ABL1: variants seen among roughly 807,000 people sequenced by gnomAD.
ABL1 encodes the protein tyrosine-protein kinase ABL1.
A neutral mutation model predicts 94.7 loss-of-function variants in ABL1; 11 were observed. That is an observed-to-expected ratio of 0.12 (90% CI 0.07 to 0.19). The LOEUF is 0.19. Ranked by LOEUF, ABL1 falls within the 10% of genes least tolerant of loss-of-function variation. The probability of loss-of-function intolerance (pLI) is 1.00; values close to 1 mark genes in which losing one functional copy is unlikely to be tolerated. For synonymous variants in ABL1, 656 were observed against 622.4 expected (o/e 1.05, Z -0.80); for missense variants, 1,082 against 1,489.4 (o/e 0.73, Z 4.50).
chr9:130,821,826 CTAT>C (rs1201935358), intron 1 of ABL1, among the ~76,000 whole-genome samples: 6 of 134,012 alleles, frequency 4.5e-5, no homozygotes, highest in African/African-American at 1.4e-4. Context: ...CCACACCTGG[CTAT>C]TATTATTATT....
intron 1 of ABL1, among the ~76,000 whole-genome samples, chr9:130,755,436 G>T (rs991171157): frequency 2.6e-5 from 4 of 152,142 alleles, no homozygotes; most frequent in Non-Finnish European, 5.9e-5. Context: ...TGCTTCAGTA[G>T]TAGCATTGAC....
intron 1 of ABL1, among the ~76,000 whole-genome samples, chr9:130,782,679 G>C (rs1829770465): frequency 6.6e-6 from 1 of 152,180 alleles, no homozygotes; most frequent in Admixed American, 6.5e-5. Context: ...GTCTTAGCAT[G>C]CCTGCGCAGA....
rs2132957938 is a variant in ABL1, at chr9:130,854,880, C to A, written c.333C>A (p.Val111=). Residue 111 remains valine (V), a synonymous_variant, in exon 3 of 11, where the codon GTC becomes GTA. Transcript: ENST00000318560. ...EAQTKNGQGW[V]PSNYITPVNS... The stretch of plus-strand genomic sequence containing the variant: ...AAACCAAAAATGGCCAAGGCTGGGT[C>A]CCAAGCAACTACATCACGCCAGTCA... 1 of 1,614,148 alleles carries A rather than the reference C, an allele frequency of 6.2e-7. No individual in the cohort carries two copies. Among genetic ancestry groups the A allele is most frequent in the South Asian group, 1.1e-5 (1 of 91,068 alleles).
At chr9:130,735,985 T>G in intron 1 of ABL1, among the ~76,000 whole-genome samples, 1 of 139,276 alleles carries the variant, frequency 7.2e-6, no homozygotes, top group Non-Finnish European at 1.5e-5. Context: ...AGACAGGGTC[T>G]GGCTCTGTTA....
intron 1 of ABL1, among the ~76,000 whole-genome samples, chr9:130,750,406 TCCCTCCCTCCCTCC>T (rs1831945699): frequency 8.6e-5 from 1 of 11,562 alleles, no homozygotes; most frequent in African/African-American, 3.3e-4. Flanking sequence ...CCTTCCTCCC[TCCCTCCCTCCCTCC>T]CTCCCTCCCT....
Position 130,855,114 on chromosome 9 carries a change from G to T in ABL1, c.549+18G>T, listed in dbSNP as rs1830951751. The T allele has an allele frequency of 2.5e-6, 4 of 1,606,018 alleles. No individual in the cohort carries two copies. The highest frequency in any genetic ancestry group is 2.7e-5 in the African/African-American group (2 of 74,786). On this transcript the variant is annotated intron_variant, in intron 3 of 10. Transcript: ENST00000318560. The stretch of plus-strand genomic sequence containing the variant: ...ATGGCAAGGTAGGGGACCCTTGGCA[G>T]GGGGCGCTGATGGGCCCAGGGCAGG...
intron 1 of ABL1, among the ~76,000 whole-genome samples, chr9:130,796,777 C>CA (rs753488139): frequency 2.0e-5 from 3 of 146,518 alleles, no homozygotes; most frequent in East Asian, 3.9e-4. Context: ...AAAAAAAAAA[C>CA]AAAAAAACTT....
In ABL1 at chr9:130,817,747, A is replaced by G. The variant is rs145350644; in HGVS notation, c.137-36317A>G. ...GGGAACAAGCATTTCTAACAGATCCATATGTGTCGCTGCATGTAATCAGTG... is the reference window on the plus strand; with the variant it reads ...GGGAACAAGCATTTCTAACAGATCCGTATGTGTCGCTGCATGTAATCAGTG... On this transcript the variant is annotated intron_variant, in intron 1 of 10. Coordinates refer to the ABL1 transcript ENST00000372348. 8.1e-4 allele frequency among the ~76,000 whole-genome samples: 123 copies of G among 152,310 alleles called. 1 individual carries two copies. The East Asian group carries it at 0.022, about 28-fold the overall frequency.
chr9:130,727,271 T>A (rs1291034325), intron 1 of ABL1, among the ~76,000 whole-genome samples: 2 of 151,626 alleles, frequency 1.3e-5, no homozygotes, highest in African/African-American at 4.8e-5. Flanking sequence ...TTCACCATGT[T>A]ACCCAGGCTG....
At chr9:130,775,234 A>G (rs1382098242) in intron 1 of ABL1, among the ~76,000 whole-genome samples, 1 of 152,210 alleles carries the variant, frequency 6.6e-6, no homozygotes, top group Non-Finnish European at 1.5e-5. Flanking sequence ...TGATCTCACA[A>G]TCCAAAACTA....
chr9:130,853,533 G>A (rs920990732), intron 1 of ABL1, among the ~76,000 whole-genome samples: 20 of 151,978 alleles, frequency 1.3e-4, no homozygotes, highest in African/African-American at 4.8e-4. Context: ...TCCTGCCTCA[G>A]CCTCCTGAGT....
In ABL1 at chr9:130,885,111, G is replaced by A. The variant is rs770388931; in HGVS notation, c.2821G>A (p.Val941Met). Reference protein sequence around the residue: ...KTKATSLVDAVNSDAAKPSQP... With the variant: ...KTKATSLVDAMNSDAAKPSQP... ...AAAAGCCACGAGTCTGGTTGATGCT[G>A]TGAACAGTGACGCTGCCAAGCCCAG... The change falls in exon 11 of 11, where the codon GTG becomes ATG. Residue 941 changes from valine to methionine, a missense_variant. Coordinates refer to ENST00000318560, the MANE Select transcript of ABL1 (RefSeq NM_005157.6). 25 of 1,612,072 alleles carry A rather than the reference G, an allele frequency of 1.6e-5. No homozygotes were observed. The highest frequency in any genetic ancestry group is 1.5e-4 in the African/African-American group (11 of 74,910).
Position 130,842,019 on chromosome 9 carries a change from G to T in ABL1, c.79+6494G>T, listed in dbSNP as rs1285679822. Among the ~76,000 whole-genome samples, 7 of 147,006 alleles carry T rather than the reference G, an allele frequency of 4.8e-5. No individual in the cohort carries two copies. In the South Asian group the frequency reaches 1.4e-3, roughly 29 times the overall value. On this transcript the variant is annotated intron_variant, in intron 1 of 10. Coordinates refer to ENST00000318560, the MANE Select transcript of ABL1 (RefSeq NM_005157.6). ...GAGACTGAGAGACAAATACAAAAAG[G>T]TTGAGACAGGAAAGGGAAAAAAAAA...
intron 1 of ABL1, among the ~76,000 whole-genome samples, chr9:130,728,041 A>G (rs1831610375): frequency 6.6e-6 from 1 of 151,796 alleles, no homozygotes; most frequent in South Asian, 2.1e-4. Context: ...ATAACTATAA[A>G]TACTCTCAGT....
At chr9:130,875,091 T>C (rs1275217052) in intron 7 of ABL1, 39 bp downstream of exon 7, 2 of 1,571,928 alleles carry the variant, frequency 1.3e-6, no homozygotes, top group African/African-American at 1.4e-5. Flanking sequence ...CCTTCCTGAC[T>C]ACAGGAGGGT....
chr9:130,733,117 G>C (rs1251461444), intron 1 of ABL1, among the ~76,000 whole-genome samples: 4 of 152,150 alleles, frequency 2.6e-5, no homozygotes, highest in Non-Finnish European at 5.9e-5. Context: ...GTTGGATCTT[G>C]GGTTGGTTTA....
upstream of ABL1, chr9:130,834,015 G>T: frequency 2.2e-6 from 1 of 456,072 alleles, no homozygotes; most frequent in Non-Finnish European, 4.4e-6. Flanking sequence ...CTGGTCGGGA[G>T]CCTGATCCTT....
intron 1 of ABL1, among the ~76,000 whole-genome samples, chr9:130,753,448 TG>T (rs1831995430): frequency 7.7e-6 from 1 of 129,356 alleles, no homozygotes; most frequent in Non-Finnish European, 1.6e-5. Flanking sequence ...TTTTTTGAGA[TG>T]GAGTCTCACT....
intron 1 of ABL1, 60 bp from the exon 2 acceptor site, chr9:130,854,004 A>AT: frequency 6.5e-7 from 1 of 1,530,082 alleles, no homozygotes; most frequent in East Asian, 2.3e-5. Flanking sequence ...AATAAAACTA[A>AT]TTTTTTCTCC....
Sources: allele counts gnomAD v4.1 joint callset (sites outside exome capture counted in the v4.1 genomes callset), GRCh38; gene constraint gnomAD v4.1.1; transcripts MANE v1.5; gene names NCBI Gene and HGNC (gene_info 2026-07-23, HGNC 2026-07-21).